Variants in FOXP1 observed in about 807,000 individuals in gnomAD.
FOXP1 encodes the protein forkhead box P1.
In FOXP1, 15 loss-of-function variants were observed where a neutral mutation model predicts 98.2. The observed-to-expected ratio is 0.15, with a 90% CI of 0.10 to 0.24. FOXP1 has a LOEUF of 0.24. Ranked by LOEUF, FOXP1 falls within the 10% of genes least tolerant of loss-of-function variation. The pLI is 1.00. For synonymous variants in FOXP1, 371 were observed against 314.5 expected (o/e 1.18, Z -1.90); for missense variants, 633 against 848.5 (o/e 0.75, Z 3.15).
intron 4 of FOXP1, among the ~76,000 whole-genome samples, chr3:71,326,801 A>T (rs975705189): frequency 6.6e-6 from 1 of 152,158 alleles, no homozygotes; most frequent in Non-Finnish European, 1.5e-5. Flanking sequence ...GTTGGGAGAG[A>T]TGGACTATGA....
intron 3 of FOXP1, among the ~76,000 whole-genome samples, chr3:71,432,846 TAA>T (rs369694659): frequency 4.3e-4 from 40 of 92,282 alleles, no homozygotes; most frequent in East Asian, 2.8e-4. Flanking sequence ...GTGAACATGT[TAA>T]AAAAAAAAAA....
At chr3:71,567,060 A>G (rs2107774715) in intron 2 of FOXP1, among the ~76,000 whole-genome samples, 1 of 152,298 alleles carries the variant, frequency 6.6e-6, no homozygotes, top group East Asian at 1.9e-4. Flanking sequence ...ATAGGAAAAA[A>G]GAGGCTGATG....
intron 10 of FOXP1, among the ~76,000 whole-genome samples, chr3:71,046,252 T>G (rs2049020594): frequency 6.6e-6 from 1 of 152,188 alleles, no homozygotes; most frequent in South Asian, 2.1e-4. Context: ...TCCATCACCC[T>G]TGGGATAAAA....
At chr3:71,213,339 T>A (rs1008936179) in intron 5 of FOXP1, among the ~76,000 whole-genome samples, 2 of 152,232 alleles carry the variant, frequency 1.3e-5, no homozygotes, top group Non-Finnish European at 2.9e-5. Context: ...TTCAGCAGAA[T>A]TTTAACAATA....
At chr3:71,513,021 T>C (rs1378623815) in intron 2 of FOXP1, among the ~76,000 whole-genome samples, 4 of 152,130 alleles carry the variant, frequency 2.6e-5, no homozygotes, top group Non-Finnish European at 5.9e-5. Flanking sequence ...TAGGGGAACA[T>C]GAAAACAGCC....
chr3:71,477,336 T>G (rs2089934076), intron 3 of FOXP1, among the ~76,000 whole-genome samples: 1 of 152,192 alleles, frequency 6.6e-6, no homozygotes, highest in Admixed American at 6.5e-5. Flanking sequence ...CATGTAGGGC[T>G]CCAATGAGCC....
intron 2 of FOXP1, among the ~76,000 whole-genome samples, chr3:71,566,814 A>G (rs1487723810): frequency 1.3e-5 from 2 of 152,134 alleles, no homozygotes; most frequent in Non-Finnish European, 2.9e-5. Context: ...GCTCATCTTC[A>G]GCTTCAAAAG....
At chr3:71,082,488 T>C (rs1381974776) in intron 7 of FOXP1, among the ~76,000 whole-genome samples, 1 of 127,738 alleles carries the variant, frequency 7.8e-6, no homozygotes. Context: ...GGGTGGGGGG[T>C]AGGGGAGGGA....
At chr3:71,371,540 T>C (rs1024296290) in intron 3 of FOXP1, among the ~76,000 whole-genome samples, 1 of 152,154 alleles carries the variant, frequency 6.6e-6, no homozygotes, top group African/African-American at 2.4e-5. Flanking sequence ...GATGCCAATA[T>C]TTTGTGAGCC....
At chr3:71,260,361 C>T (rs994929531) in intron 5 of FOXP1, among the ~76,000 whole-genome samples, 2 of 152,094 alleles carry the variant, frequency 1.3e-5, no homozygotes, top group Non-Finnish European at 2.9e-5. Context: ...GATACTTTTA[C>T]CCTTTTGGCC....
At chr3:71,545,157 G>GA (rs975397667) in intron 2 of FOXP1, among the ~76,000 whole-genome samples, 35 of 151,980 alleles carry the variant, frequency 2.3e-4, no homozygotes, top group African/African-American at 8.4e-4. Flanking sequence ...TATGCTCCCT[G>GA]AAAAAAATCA....
At chr3:71,492,326 C>A (rs1466672114) in intron 3 of FOXP1, among the ~76,000 whole-genome samples, 1 of 151,984 alleles carries the variant, frequency 6.6e-6, no homozygotes, top group African/African-American at 2.4e-5. Flanking sequence ...GTGGCGGGCG[C>A]CTGTAATCTC....
At chr3:71,430,807 G>A (rs2084638510) in intron 3 of FOXP1, among the ~76,000 whole-genome samples, 1 of 152,110 alleles carries the variant, frequency 6.6e-6, no homozygotes. Context: ...CCAAACTCAT[G>A]GGCTGTTGGG....
chr3:71,163,531 C>T (rs1183530046), intron 6 of FOXP1, among the ~76,000 whole-genome samples: 1 of 152,162 alleles, frequency 6.6e-6, no homozygotes, highest in African/African-American at 2.4e-5. Flanking sequence ...GCAAACGTGG[C>T]GGCTGCTCAG....
intron 4 of FOXP1, among the ~76,000 whole-genome samples, chr3:71,350,377 C>T (rs966410717): frequency 2.0e-5 from 3 of 152,256 alleles, no homozygotes; most frequent in South Asian, 2.1e-4. Flanking sequence ...TCTCCAATCC[C>T]CTCCCCAATC....
intron 19 of FOXP1, among the ~76,000 whole-genome samples, chr3:70,967,318 C>G (rs1296637324): frequency 6.6e-6 from 1 of 152,172 alleles, no homozygotes; most frequent in African/African-American, 2.4e-5. Context: ...AACCGCAAAG[C>G]CAGGGCTTTC....
At chr3:71,410,278 C>T (rs1233209110) in intron 3 of FOXP1, among the ~76,000 whole-genome samples, 1 of 152,216 alleles carries the variant, frequency 6.6e-6, no homozygotes, top group African/African-American at 2.4e-5. Flanking sequence ...TTCTGAGACA[C>T]AGAATCAGAG....
intron 2 of FOXP1, among the ~76,000 whole-genome samples, chr3:71,520,172 A>G (rs2042876387): frequency 6.6e-6 from 1 of 152,258 alleles, no homozygotes. Flanking sequence ...AGTGTCTGAA[A>G]CACAGAACAT....
intron 14 of FOXP1, among the ~76,000 whole-genome samples, chr3:70,985,489 C>A (rs2039583679): frequency 6.6e-6 from 1 of 151,876 alleles, no homozygotes; most frequent in Admixed American, 6.6e-5. Context: ...TTTAATAATT[C>A]CTGATTTATA....
Sources: allele counts gnomAD v4.1 joint callset (sites outside exome capture counted in the v4.1 genomes callset), GRCh38; gene constraint gnomAD v4.1.1; transcripts MANE v1.5; gene names NCBI Gene and HGNC (gene_info 2026-07-23, HGNC 2026-07-21).